TMTC2: variants seen among roughly 807,000 people sequenced by gnomAD.
The protein encoded by TMTC2 is transmembrane O-mannosyltransferase targeting cadherins 2.
In TMTC2, 43 loss-of-function variants were observed where a neutral mutation model predicts 82.4. That is an observed-to-expected ratio of 0.52 (90% CI 0.41 to 0.67). The LOEUF is 0.67. TMTC2 is among the 30% of genes least tolerant of loss of function. TMTC2 has a pLI of 0.00. For missense variants in TMTC2, 919 were observed against 1,012.4 expected, an observed-to-expected ratio of 0.91 and a Z score of 1.25; for synonymous variants, 408 against 381.9, an observed-to-expected ratio of 1.07 and a Z score of -0.80.
At chr12:83,004,891 A>C (rs1421443083) in intron 8 of TMTC2, among the ~76,000 whole-genome samples, 2 of 151,374 alleles carry the variant, frequency 1.3e-5, no homozygotes, top group Non-Finnish European at 2.9e-5. Context: ...TTGGGAGGCC[A>C]AGGCAGGCAG....
chr12:82,796,997 T>C (rs7972197), intron 1 of TMTC2, among the ~76,000 whole-genome samples: 8,618 of 152,242 alleles, frequency 0.057, 312 homozygotes, highest in Middle Eastern at 0.14. Context: ...ATTTAAGATA[T>C]GTTTGTATAA....
chr12:82,758,084 C>A (rs778272923), intron 1 of TMTC2, among the ~76,000 whole-genome samples: 7 of 152,002 alleles, frequency 4.6e-5, no homozygotes, highest in Admixed American at 6.6e-5. Context: ...ATAAATTTTA[C>A]CTTATTTTAT....
At chr12:82,807,562 TC>T (rs1221692257) in intron 1 of TMTC2, among the ~76,000 whole-genome samples, 3 of 152,136 alleles carry the variant, frequency 2.0e-5, no homozygotes, top group South Asian at 4.1e-4. Context: ...AATGCATGTT[TC>T]TAATGACTGA....
intron 1 of TMTC2, among the ~76,000 whole-genome samples, chr12:82,727,496 G>C: frequency 6.6e-6 from 1 of 151,812 alleles, no homozygotes. Flanking sequence ...GGTGGAGGGT[G>C]GATCACCTGA....
At chr12:83,041,002 C>T (rs1011787838) in intron 9 of TMTC2, among the ~76,000 whole-genome samples, 1 of 152,032 alleles carries the variant, frequency 6.6e-6, no homozygotes, top group African/African-American at 2.4e-5. Flanking sequence ...TTTTTCAATA[C>T]AAAAATGAAT....
intron 1 of TMTC2, among the ~76,000 whole-genome samples, chr12:82,741,952 G>T (rs1488170260): frequency 6.6e-6 from 1 of 152,114 alleles, no homozygotes; most frequent in Admixed American, 6.5e-5. Flanking sequence ...TGGTTTTTCT[G>T]TTGAGGAAAT....
chr12:82,915,831 T>G (rs1407191707), intron 3 of TMTC2, among the ~76,000 whole-genome samples: 1 of 152,224 alleles, frequency 6.6e-6, no homozygotes, highest in East Asian at 1.9e-4. Flanking sequence ...AGAGGCAACT[T>G]GTACTCTTTG....
intron 1 of TMTC2, among the ~76,000 whole-genome samples, chr12:82,838,365 A>G (rs1380611774): frequency 6.6e-6 from 1 of 152,248 alleles, no homozygotes; most frequent in African/African-American, 2.4e-5. Context: ...TTGTGAGCAT[A>G]ATGAAGATAA....
At position 82,931,240 on chromosome 12, in the gene TMTC2, T is replaced by TA. The variant is rs143313629; in HGVS notation, c.1598+705dup. Among the ~76,000 whole-genome samples, 79 of 150,060 alleles carry TA rather than the reference T, an allele frequency of 5.3e-4. No individual in the cohort carries two copies. In the South Asian group the frequency reaches 0.012, roughly 22 times the overall value. ...ATTAATGATAGATTTTGTCTTCCATTAAAAAAAAAATTGCTGTATCAAAGT... is the reference window on the plus strand; with the variant it reads ...ATTAATGATAGATTTTGTCTTCCATTAAAAAAAAAAATTGCTGTATCAAAGT... On this transcript the variant is annotated intron_variant, in intron 4 of 11. Transcript: ENST00000321196.
intron 11 of TMTC2, among the ~76,000 whole-genome samples, chr12:83,089,383 G>A (rs875185): frequency 0.016 from 2,431 of 152,194 alleles, 63 homozygotes; most frequent in East Asian, 0.12. Context: ...AAAACTGAAC[G>A]GCACATAGTA....
At chr12:82,760,659 C>G (rs1162763739) in intron 1 of TMTC2, among the ~76,000 whole-genome samples, 1 of 151,966 alleles carries the variant, frequency 6.6e-6, no homozygotes, top group Admixed American at 6.6e-5. Flanking sequence ...AGGTGAATGG[C>G]AGGTGAGCCA....
At chr12:83,083,938 T>C (rs1187842440) in intron 11 of TMTC2, among the ~76,000 whole-genome samples, 1 of 152,228 alleles carries the variant, frequency 6.6e-6, no homozygotes, top group Non-Finnish European at 1.5e-5. Flanking sequence ...TAAGAGACTT[T>C]CAAAGATAAT....
At chr12:83,032,508 A>AT (rs1881481457) in intron 9 of TMTC2, among the ~76,000 whole-genome samples, 1 of 151,302 alleles carries the variant, frequency 6.6e-6, no homozygotes, top group Admixed American at 6.6e-5. Context: ...CCCATGAAAA[A>AT]TTTTTGGATT....
chr12:82,997,368 G>GTGTATATATATATGTGTGTA (rs1555204058), intron 8 of TMTC2, among the ~76,000 whole-genome samples: 1 of 35,468 alleles, frequency 2.8e-5, no homozygotes, highest in African/African-American at 7.9e-5. Context: ...ATATATATGT[G>GTGTATATATATATGTGTGTA]TATATATATA....
rs75459050 is a variant in TMTC2, at chr12:82,949,975, A to T, written c.1599-15049A>T. ...CACGATGCAAATTCAAGATGCTTAC[A>T]TGTTGGGAAGTGCATGTATAAATAA... On this transcript the variant is annotated intron_variant, in intron 4 of 11. Transcript: ENST00000321196. 5.6e-3 allele frequency among the ~76,000 whole-genome samples: 856 copies of T among 152,306 alleles called. 10 individuals carry two copies. The highest frequency in any genetic ancestry group is 0.02 in the African/African-American group (818 of 41,576).
intron 1 of TMTC2, among the ~76,000 whole-genome samples, chr12:82,719,394 G>C (rs568013080): frequency 6.6e-6 from 1 of 151,922 alleles, no homozygotes; most frequent in African/African-American, 2.4e-5. Context: ...GCCCAGCCTG[G>C]ATGATTATAT....
chr12:82,914,330 A>G (rs1246565504), intron 3 of TMTC2, among the ~76,000 whole-genome samples: 2 of 152,118 alleles, frequency 1.3e-5, no homozygotes, highest in African/African-American at 4.8e-5. Flanking sequence ...TTTTAAAAAA[A>G]TTCTCTTTTC....
At chr12:83,049,742 C>T (rs544994911) in intron 9 of TMTC2, among the ~76,000 whole-genome samples, 1 of 152,280 alleles carries the variant, frequency 6.6e-6, no homozygotes, top group Non-Finnish European at 1.5e-5. Context: ...CAGCATACTG[C>T]TTTCCACAGA....
chr12:83,104,601 G>A (rs80268076), intron 11 of TMTC2, among the ~76,000 whole-genome samples: 6,641 of 152,266 alleles, frequency 0.044, 224 homozygotes, highest in Middle Eastern at 0.092. Context: ...TGCAAGCAGC[G>A]GTCTCCCAAG....
Sources: gnomAD v4.1 joint callset for allele counts (sites outside exome capture counted in the v4.1 genomes callset) on GRCh38, gnomAD v4.1.1 for gene constraint, MANE v1.5 for transcripts, NCBI Gene and HGNC (gene_info 2026-07-23, HGNC 2026-07-21) for gene names.